TDG: variants seen among roughly 807,000 people sequenced by gnomAD.
TDG encodes the protein thymine DNA glycosylase.
A neutral mutation model predicts 46.1 loss-of-function variants in TDG; 23 were observed. That is an observed-to-expected ratio of 0.50 (90% CI 0.36 to 0.71). The LOEUF (loss-of-function observed/expected upper bound fraction) is 0.71, where lower values mean the gene tolerates loss of function less well. TDG is among the 30% of genes least tolerant of loss of function. The pLI, the probability that TDG is intolerant of heterozygous loss-of-function variation, is 0.00. For missense variants in TDG, 304 were observed against 486.7 expected, an observed-to-expected ratio of 0.62 and a Z score of 3.53; for synonymous variants, 115 against 161.3, an observed-to-expected ratio of 0.71 and a Z score of 2.18.
At chr12:103,973,209 T>C (rs1871361678) in intron 1 of TDG, among the ~76,000 whole-genome samples, 1 of 150,652 alleles carries the variant, frequency 6.6e-6, no homozygotes, top group Admixed American at 6.7e-5. Flanking sequence ...CTCAGCATCC[T>C]GAACTAGCTG....
At chr12:103,975,901 A>T (rs1176684690) in intron 1 of TDG, among the ~76,000 whole-genome samples, 1 of 149,196 alleles carries the variant, frequency 6.7e-6, no homozygotes, top group Non-Finnish European at 1.5e-5. Context: ...ACCTCAGGTG[A>T]TCTACCCTCC....
intron 3 of TDG, 67 bp from the exon 4 acceptor site, chr12:103,980,826 T>G: frequency 6.9e-7 from 1 of 1,446,048 alleles, no homozygotes; most frequent in Non-Finnish European, 9.5e-7. Context: ...CCACCACTCC[T>G]CCATAGAAAC....
chr12:103,984,801 C>T lies in TDG; in HGVS notation c.845C>T (p.Ala282Val). The T allele has an allele frequency of 6.2e-7, 1 of 1,612,918 alleles. No individual in the cohort carries two copies. The highest frequency in any genetic ancestry group is 2.2e-5 in the East Asian group (1 of 44,882). Residue 282 changes from alanine to valine, a missense_variant, in exon 8 of 10, where the codon GCC becomes GTC. Coordinates refer to ENST00000392872, the MANE Select transcript of TDG (RefSeq NM_003211.6). ...GCAAGATGTGCTCAGTTTCCTCGAG[C>T]CCAAGACAAAGTTCATTACTACATA... Reference protein sequence around the residue: ...SSARCAQFPRAQDKVHYYIKL... With the variant: ...SSARCAQFPRVQDKVHYYIKL...
intron 2 of TDG, 53 bp from the exon 3 acceptor site, chr12:103,979,778 T>C: frequency 1.3e-6 from 2 of 1,526,722 alleles, no homozygotes; most frequent in Non-Finnish European, 1.7e-6. Context: ...GGAAAGCTGC[T>C]AAAGTTTCTA....
intron 1 of TDG, among the ~76,000 whole-genome samples, chr12:103,974,974 CAAAAAAA>C (rs34864393): frequency 6.5e-5 from 5 of 77,234 alleles, no homozygotes; most frequent in East Asian, 4.7e-4. Context: ...GACTCCGTCT[CAAAAAAA>C]AAAAAAAAAA....
At chr12:103,976,566 C>T (rs1029894833) in intron 1 of TDG, among the ~76,000 whole-genome samples, 7 of 152,232 alleles carry the variant, frequency 4.6e-5, no homozygotes, top group African/African-American at 1.7e-4. Context: ...TTGGGGACAT[C>T]TTAACCCTGT....
chr12:103,976,408 C>CCACACACACACACACACACACACA (rs144717913), intron 1 of TDG, among the ~76,000 whole-genome samples: 1 of 147,450 alleles, frequency 6.8e-6, no homozygotes, highest in African/African-American at 2.5e-5. Flanking sequence ...CCCTGTCTCC[C>CCACACACACACACACACACACACA]CACACACACA....
At chr12:103,981,819 G>A (rs1193196019) in intron 4 of TDG, among the ~76,000 whole-genome samples, 1 of 152,116 alleles carries the variant, frequency 6.6e-6, no homozygotes, top group Non-Finnish European at 1.5e-5. Flanking sequence ...AGACTAGCCT[G>A]TACAACATAC....
chr12:103,977,046 A>G lies in TDG; in HGVS notation c.152A>G (p.Gln51Arg). The G allele has an allele frequency of 3.1e-6, 5 of 1,612,792 alleles. No homozygotes were observed. Among genetic ancestry groups the G allele is most frequent in the Non-Finnish European group, 4.2e-6 (5 of 1,179,656 alleles). Reference protein sequence around the residue: ...PEEVPAPAPAQEPVQEAPKGR... With the variant: ...PEEVPAPAPAREPVQEAPKGR... The stretch of plus-strand genomic sequence containing the variant: ...GAAGTTCCAGCCCCAGCTCCTGCTC[A>G]GGAACCAGTGCAAGGTAGTTTCACC... The change falls in exon 2 of 10, where the codon CAG (glutamine) becomes CGG (arginine). Residue 51 changes from glutamine (Q) to arginine (R), a missense_variant. Transcript: ENST00000392872.
chr12:103,986,956 G>A lies in TDG; in HGVS notation c.1099G>A (p.Val367Met), dbSNP rs2888805. 160,128 of 1,610,026 alleles carry A rather than the reference G, an allele frequency of 0.099. 4,775 individuals are homozygous for A. The highest frequency in any genetic ancestry group is 0.28 in the East Asian group (12,491 of 44,034). ...GFSSNGLIES[V>M]ELRGESAFSG... is the part of the protein sequence containing the mutation. ...TTTTTCTTTTCTGGCAGTTGAGAGC[G>A]TGGAGTTAAGAGGAGAATCAGCTTT... The change falls in exon 10 of 10, where the codon GTG (valine) becomes ATG (methionine). Residue 367 changes from valine to methionine, a missense_variant. Physicochemically the swap from Val to Met is conservative, Grantham distance 21. Transcript: ENST00000392872.
At chr12:103,986,066 T>C (rs997913451) in intron 9 of TDG, among the ~76,000 whole-genome samples, 4 of 152,014 alleles carry the variant, frequency 2.6e-5, no homozygotes, top group East Asian at 1.9e-4. Flanking sequence ...ACTACAGGCA[T>C]CCGCCACGAT....
chr12:103,985,340 G>A (rs781131821), intron 8 of TDG, among the ~76,000 whole-genome samples: 6 of 151,922 alleles, frequency 3.9e-5, no homozygotes, highest in Non-Finnish European at 8.8e-5. Context: ...CTCTACTCTG[G>A]CACTTCTGCA....
intron 1 of TDG, among the ~76,000 whole-genome samples, chr12:103,974,861 G>T (rs1262966092): frequency 6.6e-6 from 1 of 151,684 alleles, no homozygotes; most frequent in East Asian, 1.9e-4. Flanking sequence ...TGTAGTCCCA[G>T]CTACTCGGGA....
chr12:103,969,261 A>T (rs904756349), intron 1 of TDG, among the ~76,000 whole-genome samples: 4 of 152,244 alleles, frequency 2.6e-5, no homozygotes, highest in Non-Finnish European at 4.4e-5. Flanking sequence ...CAGAGCTAGT[A>T]AATGGGAGAG....
chr12:103,976,413 C>T (rs997502925), intron 1 of TDG, among the ~76,000 whole-genome samples: 4 of 151,360 alleles, frequency 2.6e-5, no homozygotes, highest in African/African-American at 7.3e-5. Flanking sequence ...TCTCCCCACA[C>T]ACACACACAC....
chr12:103,980,263 G>C (rs1243536016), intron 3 of TDG, 191 bp downstream of exon 3: 3 of 684,424 alleles, frequency 4.4e-6, no homozygotes, highest in Non-Finnish European at 7.0e-6. Flanking sequence ...AATTTAGACT[G>C]TCTGGGTTCA....
chr12:103,966,522 C>CT (rs1340866728), intron 1 of TDG, among the ~76,000 whole-genome samples: 2 of 152,114 alleles, frequency 1.3e-5, no homozygotes, highest in African/African-American at 2.4e-5. Context: ...CTGAAAGCAA[C>CT]TTTAAGGGTC....
chr12:103,985,190 C>T (rs567124081), intron 8 of TDG, among the ~76,000 whole-genome samples: 8,794 of 151,564 alleles, frequency 0.058, 374 homozygotes, highest in Non-Finnish European at 0.088. Context: ...CACACACACA[C>T]ACACACACAC....
chr12:103,972,924 A>G, intron 1 of TDG: 2 of 689,100 alleles, frequency 2.9e-6, no homozygotes, highest in African/African-American at 1.8e-5. Context: ...TCCTGTTGTA[A>G]TGTGAACGGT....
Sources: gnomAD v4.1 joint callset for allele counts (sites outside exome capture counted in the v4.1 genomes callset) on GRCh38, gnomAD v4.1.1 for gene constraint, MANE v1.5 for transcripts, NCBI Gene and HGNC (gene_info 2026-07-23, HGNC 2026-07-21) for gene names.